Variants in SLC27A6 observed in about 807,000 individuals in gnomAD.
The protein encoded by SLC27A6 is solute carrier family 27 member 6.
Under a neutral mutation model 63.9 loss-of-function variants are expected in SLC27A6, and 74 were observed. That is an observed-to-expected ratio of 1.16 (90% CI 0.96 to 1.40). The LOEUF (loss-of-function observed/expected upper bound fraction) is 1.40, where lower values mean the gene tolerates loss of function less well. SLC27A6 is among the 40% of genes most tolerant of loss of function. The pLI is 0.00. For synonymous variants in SLC27A6, 287 were observed against 260.8 expected (o/e 1.10, Z -0.97); for missense variants, 794 against 732.9 (o/e 1.08, Z -0.96).
chr5:128,966,182 C>T lies in SLC27A6; in HGVS notation c.45C>T (p.Val15=). 1 of 1,587,110 alleles carries T rather than the reference C, an allele frequency of 6.3e-7. No individual in the cohort carries two copies. Among genetic ancestry groups the T allele is most frequent in the African/African-American group, 1.3e-5 (1 of 74,232 alleles). Reference sequence around the variant, plus strand: ...CAGTTCTAGGGGCTGGAATGGTCGTCCTGCACTTCTTGCAGAAACTCCTGT... The same window carrying T: ...CAGTTCTAGGGGCTGGAATGGTCGTTCTGCACTTCTTGCAGAAACTCCTGT... ...WLTVLGAGMV[V]LHFLQKLLFP... Residue 15 remains valine, a synonymous_variant, in exon 1 of 10, where the codon GTC becomes GTT. Transcript: ENST00000262462.
chr5:129,003,915 C>G (rs1416438017), intron 4 of SLC27A6, among the ~76,000 whole-genome samples: 1 of 144,688 alleles, frequency 6.9e-6, no homozygotes, highest in East Asian at 2.0e-4. Context: ...CTGCAGTGAG[C>G]TGAGATTGCC....
intron 4 of SLC27A6, among the ~76,000 whole-genome samples, chr5:129,011,761 A>G (rs1271129320): frequency 6.6e-6 from 1 of 152,144 alleles, no homozygotes; most frequent in Non-Finnish European, 1.5e-5. Flanking sequence ...TTAAGGGGCT[A>G]CTGATAAACC....
At chr5:129,020,657 T>C (rs1186509446) in intron 5 of SLC27A6, among the ~76,000 whole-genome samples, 3 of 152,148 alleles carry the variant, frequency 2.0e-5, no homozygotes, top group African/African-American at 4.8e-5. Flanking sequence ...AGCTGTTTTA[T>C]TGCCTTAAAA....
At chr5:129,019,462 T>A (rs1273013633) in intron 5 of SLC27A6, among the ~76,000 whole-genome samples, 2 of 150,146 alleles carry the variant, frequency 1.3e-5, no homozygotes, top group Non-Finnish European at 3.0e-5. Flanking sequence ...TGAATCTAAA[T>A]GAAAGGCAGC....
intron 4 of SLC27A6, among the ~76,000 whole-genome samples, chr5:129,012,636 A>AT (rs1751762308): frequency 6.6e-6 from 1 of 152,116 alleles, no homozygotes; most frequent in African/African-American, 2.4e-5. Context: ...GTAAATAGAA[A>AT]TTTAAGGTTG....
At chr5:129,011,453 T>C (rs1372604281) in intron 4 of SLC27A6, among the ~76,000 whole-genome samples, 1 of 152,216 alleles carries the variant, frequency 6.6e-6, no homozygotes, top group Non-Finnish European at 1.5e-5. Flanking sequence ...AGGTATTCTT[T>C]GAGAAGTACC....
At chr5:128,983,346 A>T (rs1300633138) in intron 1 of SLC27A6, among the ~76,000 whole-genome samples, 2 of 133,748 alleles carry the variant, frequency 1.5e-5, no homozygotes, top group Non-Finnish European at 3.0e-5. Context: ...AGGCTGGAGT[A>T]CAATGGCGTG....
Position 128,966,546 on chromosome 5 carries a change from A to G in SLC27A6, c.409A>G (p.Thr137Ala). 3.8e-6 allele frequency: 6 copies of G among 1,582,134 alleles called. No homozygotes were observed. In the South Asian group the frequency reaches 4.7e-5, roughly 12 times the overall value. The change falls in exon 1 of 10, where the codon ACC becomes GCC. Residue 137 changes from threonine to alanine, a missense_variant. Transcript: ENST00000262462. The stretch of plus-strand genomic sequence containing the variant: ...GGGCTGCGTGGTGGCCTTTCTCAAC[A>G]CCAACATTCGCTCCAACTCCCTCCT... ...KLGCVVAFLNTNIRSNSLLNC... is the reference protein window; with the variant it reads ...KLGCVVAFLNANIRSNSLLNC...
At chr5:129,019,055 G>A (rs1346265848) in intron 5 of SLC27A6, among the ~76,000 whole-genome samples, 1 of 152,018 alleles carries the variant, frequency 6.6e-6, no homozygotes, top group Non-Finnish European at 1.5e-5. Flanking sequence ...TTATTATCTG[G>A]GAGGGAAGCA....
chr5:129,018,657 T>C (rs1406159774), intron 5 of SLC27A6, among the ~76,000 whole-genome samples: 1 of 152,108 alleles, frequency 6.6e-6, no homozygotes, highest in African/African-American at 2.4e-5. Flanking sequence ...ATTGAGCCCC[T>C]TTGTGAAGCT....
In SLC27A6 at chr5:129,011,119, A is replaced by T. The variant is rs184888491; in HGVS notation, c.970-4766A>T. On this transcript the variant is annotated intron_variant, in intron 4 of 9. Coordinates refer to ENST00000262462, the MANE Select transcript of SLC27A6 (RefSeq NM_001017372.3). Reference sequence around the variant, plus strand: ...GATTAATGATGCTAGGAACATTCTTATATGTGTCTTTTGGCAGATTTATGT... The same window carrying T: ...GATTAATGATGCTAGGAACATTCTTTTATGTGTCTTTTGGCAGATTTATGT... Among the ~76,000 whole-genome samples the T allele has an allele frequency of 2.7e-3, 414 of 152,300 alleles. 3 individuals are homozygous for T. The highest frequency in any genetic ancestry group is 9.6e-3 in the African/African-American group (401 of 41,558).
chr5:128,995,989 C>T (rs1751146592), intron 4 of SLC27A6, among the ~76,000 whole-genome samples: 1 of 151,754 alleles, frequency 6.6e-6, no homozygotes, highest in Admixed American at 6.6e-5. Context: ...GAACTATTTG[C>T]TGAGATGAAG....
chr5:129,008,483 G>C (rs764793212), intron 4 of SLC27A6, among the ~76,000 whole-genome samples: 2 of 152,164 alleles, frequency 1.3e-5, no homozygotes, highest in Non-Finnish European at 2.9e-5. Context: ...GATGATACTT[G>C]CTAAAACTCA....
chr5:128,988,703 T>C lies in SLC27A6; in HGVS notation c.789T>C (p.Leu263=), dbSNP rs752530818. The change falls in exon 3 of 10, where the codon CTT becomes CTC. Residue 263 remains leucine (L), a synonymous_variant. Transcript: ENST00000262462. ...CTAHDIVYIT[L]PLYHSSAAIL... is the part of the protein sequence containing the mutation. ...CTCATGACATTGTTTATATAACCCT[T>C]CCTCTGTATCATAGTTCAGCAGCTA... The C allele has an allele frequency of 6.2e-7, 1 of 1,613,874 alleles. No individual in the cohort carries two copies. Among genetic ancestry groups the C allele is most frequent in the East Asian group, 2.2e-5 (1 of 44,862 alleles).
intron 4 of SLC27A6, among the ~76,000 whole-genome samples, chr5:129,003,967 CAAAAAAAAAAA>C (rs779667758): frequency 1.4e-5 from 1 of 69,426 alleles, no homozygotes; most frequent in Non-Finnish European, 2.8e-5. Flanking sequence ...GACCCTGTCT[CAAAAAAAAAAA>C]AAAAAAAAAA....
chr5:128,989,363 GCAAGATTATGTGT>G (rs1750896704), intron 3 of SLC27A6, among the ~76,000 whole-genome samples: 1 of 152,194 alleles, frequency 6.6e-6, no homozygotes, highest in South Asian at 2.1e-4. Context: ...TCATAAACAT[GCAAGATTATGTGT>G]CAGTTTCTAG....
chr5:129,010,317 A>G (rs974391703), intron 4 of SLC27A6, among the ~76,000 whole-genome samples: 1 of 152,216 alleles, frequency 6.6e-6, no homozygotes, highest in Non-Finnish European at 1.5e-5. Context: ...TTAAAAATTA[A>G]AAAATGGCCC....
chr5:128,985,841 G>A (rs552181021), intron 2 of SLC27A6, among the ~76,000 whole-genome samples: 8 of 152,104 alleles, frequency 5.3e-5, no homozygotes, highest in African/African-American at 1.2e-4. Context: ...CAGGTATACC[G>A]GCAATTTAAG....
intron 5 of SLC27A6, among the ~76,000 whole-genome samples, chr5:129,020,500 G>T (rs947247303): frequency 1.3e-5 from 2 of 152,130 alleles, no homozygotes; most frequent in East Asian, 3.9e-4. Flanking sequence ...GAGTGGGGGG[G>T]AGGAAAGGAA....
Sources: gnomAD v4.1 joint callset for allele counts (sites outside exome capture counted in the v4.1 genomes callset) on GRCh38, gnomAD v4.1.1 for gene constraint, MANE v1.5 for transcripts, NCBI Gene and HGNC (gene_info 2026-07-23, HGNC 2026-07-21) for gene names.